The following TENM2 variants were observed in gnomAD, a reference collection of about 807,000 sequenced individuals.
The protein encoded by TENM2 is teneurin-2.
Under a neutral mutation model 245.2 loss-of-function variants are expected in TENM2, and 52 were observed. The ratio of observed to expected loss-of-function variants is 0.21; its 90% CI spans 0.17 to 0.27. The LOEUF is 0.27. Ranked by LOEUF, TENM2 falls within the 10% of genes least tolerant of loss-of-function variation. The pLI is 1.00. For missense variants in TENM2, 3,046 were observed against 3,666.8 expected (o/e 0.83, Z 4.37); for synonymous variants, 1,363 against 1,438.9 (o/e 0.95, Z 1.19).
chr5:168,089,643 C>G (rs1271201864), intron 7 of TENM2, among the ~76,000 whole-genome samples: 1 of 152,146 alleles, frequency 6.6e-6, no homozygotes, highest in East Asian at 1.9e-4. Flanking sequence ...AACACCAAGC[C>G]AATCTATGTC....
At chr5:167,290,011 T>A (rs1754543317) in intron 1 of TENM2, among the ~76,000 whole-genome samples, 1 of 152,236 alleles carries the variant, frequency 6.6e-6, no homozygotes, top group Non-Finnish European at 1.5e-5. Flanking sequence ...AAGATTGCTT[T>A]CCATTTATTT....
At chr5:168,224,185 A>G (rs1003503282) in intron 23 of TENM2, among the ~76,000 whole-genome samples, 4 of 152,226 alleles carry the variant, frequency 2.6e-5, no homozygotes, top group African/African-American at 9.6e-5. Context: ...AAGAAAGCAC[A>G]GAGGAGCCCT....
chr5:167,743,394 G>A (rs1366275958), intron 2 of TENM2, among the ~76,000 whole-genome samples: 1 of 152,158 alleles, frequency 6.6e-6, no homozygotes, highest in African/African-American at 2.4e-5. Flanking sequence ...AAGACAAAAA[G>A]AGACATCATT....
chr5:167,109,315 G>C, the TENM2 span, among the ~76,000 whole-genome samples: 1 of 150,732 alleles, frequency 6.6e-6, no homozygotes, highest in Non-Finnish European at 1.5e-5. Flanking sequence ...TGGATGCTGA[G>C]TAATGAAATG....
At chr5:167,042,485 T>C in the TENM2 span, among the ~76,000 whole-genome samples, 2 of 152,222 alleles carry the variant, frequency 1.3e-5, no homozygotes, top group African/African-American at 4.8e-5. Flanking sequence ...GAAAGGTATA[T>C]AAATATTCAG....
At chr5:167,052,099 C>A in the TENM2 span, among the ~76,000 whole-genome samples, 2 of 152,006 alleles carry the variant, frequency 1.3e-5, no homozygotes, top group Non-Finnish European at 2.9e-5. Flanking sequence ...AGATAATGTT[C>A]GTTTAAAGAG....
At chr5:167,380,804 AGT>A (rs1761057690) in intron 2 of TENM2, among the ~76,000 whole-genome samples, 1 of 152,166 alleles carries the variant, frequency 6.6e-6, no homozygotes. Context: ...CTGCGAAGGC[AGT>A]AAAATGGTAA....
At chr5:167,587,032 C>G (rs914259926) in intron 2 of TENM2, among the ~76,000 whole-genome samples, 1 of 152,142 alleles carries the variant, frequency 6.6e-6, no homozygotes, top group Non-Finnish European at 1.5e-5. Flanking sequence ...CCCTAATGGC[C>G]TCTGAATCCT....
exon 14 of TENM2, chr5:168,190,433 T>C: frequency 6.2e-7 from 1 of 1,613,986 alleles, no homozygotes; most frequent in Non-Finnish European, 8.5e-7. Context: ...CTGGACATCA[T>C]TCAGCAGGGC....
chr5:168,127,025 C>A, intron 12 of TENM2, 59 bp downstream of exon 14: 1 of 1,396,610 alleles, frequency 7.2e-7, no homozygotes, highest in South Asian at 1.3e-5. Context: ...CGCATGGCAA[C>A]TGGCTGTTCC....
chr5:167,676,376 G>A (rs1756327861), intron 2 of TENM2, among the ~76,000 whole-genome samples: 1 of 152,008 alleles, frequency 6.6e-6, no homozygotes, highest in Admixed American at 6.6e-5. Flanking sequence ...AACGCAAGAT[G>A]TGGTTCCCGG....
At chr5:167,755,619 G>A (rs906422417) in intron 2 of TENM2, among the ~76,000 whole-genome samples, 1 of 152,092 alleles carries the variant, frequency 6.6e-6, no homozygotes, top group African/African-American at 2.4e-5. Context: ...CCTATTTGCG[G>A]TAGCTCTCTG....
chr5:167,983,380 T>C (rs1203445975), intron 4 of TENM2, among the ~76,000 whole-genome samples: 3 of 151,906 alleles, frequency 2.0e-5, no homozygotes, highest in African/African-American at 7.3e-5. Context: ...ATATCAAGAG[T>C]CGAAGCTTCT....
chr5:168,002,173 A>G (rs1459949374), intron 5 of TENM2, among the ~76,000 whole-genome samples: 1 of 152,204 alleles, frequency 6.6e-6, no homozygotes, highest in East Asian at 1.9e-4. Flanking sequence ...TCCAACCTTT[A>G]CATTTCTTTC....
chr5:167,705,351 A>G (rs997784896), intron 2 of TENM2, among the ~76,000 whole-genome samples: 1 of 152,116 alleles, frequency 6.6e-6, no homozygotes, highest in Non-Finnish European at 1.5e-5. Context: ...TTGACTTCTT[A>G]TATTCTTGGA....
At chr5:168,143,371 T>C (rs910775451) in intron 12 of TENM2, among the ~76,000 whole-genome samples, 4 of 152,112 alleles carry the variant, frequency 2.6e-5, no homozygotes, top group Admixed American at 2.0e-4. Context: ...ATCTATTCTG[T>C]TTGTTACATT....
intron 2 of TENM2, among the ~76,000 whole-genome samples, chr5:167,796,157 C>T (rs1765301213): frequency 6.6e-6 from 1 of 152,204 alleles, no homozygotes; most frequent in African/African-American, 2.4e-5. Flanking sequence ...GTCTCCTCCT[C>T]TGGCACCATG....
chr5:167,657,226 T>C (rs977396889), intron 2 of TENM2, among the ~76,000 whole-genome samples: 3 of 152,246 alleles, frequency 2.0e-5, no homozygotes, highest in Admixed American at 2.0e-4. Flanking sequence ...GAACATGGAA[T>C]GCGACGTTTA....
At chr5:168,068,013 C>T (rs1478508749) in intron 7 of TENM2, among the ~76,000 whole-genome samples, 2 of 152,102 alleles carry the variant, frequency 1.3e-5, no homozygotes, top group Non-Finnish European at 2.9e-5. Flanking sequence ...ACCTTGGTTT[C>T]TTCTGAACTG....
Sources: allele counts gnomAD v4.1 joint callset (sites outside exome capture counted in the v4.1 genomes callset), GRCh38; gene constraint gnomAD v4.1.1; transcripts MANE v1.5; gene names NCBI Gene and HGNC (gene_info 2026-07-23, HGNC 2026-07-21).